ERBB4: variants seen among roughly 807,000 people sequenced by gnomAD.
ERBB4 encodes erb-b2 receptor tyrosine kinase 4.
A neutral mutation model predicts 158.0 loss-of-function variants in ERBB4; 42 were observed. The ratio of observed to expected loss-of-function variants is 0.27; its 90% CI spans 0.21 to 0.34. The LOEUF (loss-of-function observed/expected upper bound fraction) is 0.34. ERBB4 is among the 10% of genes least tolerant of loss of function. The pLI is 1.00. For missense variants in ERBB4, 1,333 were observed against 1,624.1 expected (o/e 0.82, Z 3.08); for synonymous variants, 583 against 558.7 (o/e 1.04, Z -0.61).
chr2:212,270,101 T>A (rs1483233858), intron 1 of ERBB4, among the ~76,000 whole-genome samples: 4 of 151,910 alleles, frequency 2.6e-5, no homozygotes, highest in East Asian at 3.9e-4. Context: ...GATGGTAAAT[T>A]AAACAGAATT....
At chr2:211,635,576 G>A (rs1478219207) in intron 16 of ERBB4, among the ~76,000 whole-genome samples, 1 of 151,942 alleles carries the variant, frequency 6.6e-6, no homozygotes, top group African/African-American at 2.4e-5. Flanking sequence ...TTCTCCCATT[G>A]ATCAGTTTCT....
intron 2 of ERBB4, among the ~76,000 whole-genome samples, chr2:212,067,981 C>T (rs538323252): frequency 3.1e-4 from 47 of 152,134 alleles, no homozygotes; most frequent in South Asian, 1.0e-3. Context: ...GATGCAAAAA[C>T]GAATGAACAG....
At chr2:211,630,843 T>A (rs544920949) in intron 16 of ERBB4, among the ~76,000 whole-genome samples, 1 of 152,210 alleles carries the variant, frequency 6.6e-6, no homozygotes, top group East Asian at 1.9e-4. Context: ...AGATGAACAG[T>A]CACAACATGC....
intron 20 of ERBB4, among the ~76,000 whole-genome samples, chr2:211,525,976 G>T (rs933867758): frequency 2.0e-5 from 3 of 152,110 alleles, no homozygotes; most frequent in African/African-American, 4.8e-5. Flanking sequence ...GTCCCTAGCT[G>T]CCAGATGGGG....
At chr2:212,035,507 C>T (rs925168649) in intron 2 of ERBB4, among the ~76,000 whole-genome samples, 1 of 152,150 alleles carries the variant, frequency 6.6e-6, no homozygotes, top group African/African-American at 2.4e-5. Flanking sequence ...TCTGATGTCC[C>T]TAGATGAGAT....
At chr2:211,787,413 T>C (rs1351915091) in intron 4 of ERBB4, among the ~76,000 whole-genome samples, 1 of 152,188 alleles carries the variant, frequency 6.6e-6, no homozygotes, top group Non-Finnish European at 1.5e-5. Context: ...AAATTCTTTG[T>C]GGTAGAAAGA....
rs767433274 is a variant in ERBB4, at chr2:212,230,913, C to G, written c.83-106010G>C. Among the ~76,000 whole-genome samples the G allele has an allele frequency of 5.0e-4, 76 of 152,142 alleles. 1 individual carries two copies. Among genetic ancestry groups the G allele is most frequent in the Non-Finnish European group, 8.1e-4 (55 of 68,012 alleles). On this transcript the variant is annotated intron_variant, in intron 1 of 27. Transcript: ENST00000342788. ...TATGGAACTTTTAAATTAGATTATA[C>G]ATAAGTTGATACCATTAAATAAACT...
At chr2:211,944,559 G>T (rs1021987719) in intron 3 of ERBB4, among the ~76,000 whole-genome samples, 1 of 151,944 alleles carries the variant, frequency 6.6e-6, no homozygotes, top group Non-Finnish European at 1.5e-5. Flanking sequence ...TGTCATGAAA[G>T]CAAAACCTTA....
chr2:211,710,865 G>A (rs2073671297), intron 9 of ERBB4, among the ~76,000 whole-genome samples: 2 of 151,888 alleles, frequency 1.3e-5, no homozygotes, highest in African/African-American at 2.4e-5. Flanking sequence ...GTGGGACTGT[G>A]AGTCCACCGA....
chr2:211,681,003 C>T (rs1368163337), intron 12 of ERBB4, among the ~76,000 whole-genome samples: 1 of 152,116 alleles, frequency 6.6e-6, no homozygotes, highest in East Asian at 1.9e-4. Flanking sequence ...TTATGTAATC[C>T]TTGCCTCCTG....
At chr2:212,158,479 A>C (rs1303864017) in intron 1 of ERBB4, among the ~76,000 whole-genome samples, 3 of 151,996 alleles carry the variant, frequency 2.0e-5, no homozygotes, top group African/African-American at 7.2e-5. Flanking sequence ...TCATCTACCC[A>C]AAAGTCCCTA....
chr2:212,446,430 T>C (rs1185829839), intron 1 of ERBB4, among the ~76,000 whole-genome samples: 1 of 150,464 alleles, frequency 6.6e-6, no homozygotes, highest in Non-Finnish European at 1.5e-5. Flanking sequence ...GCCTGCATCT[T>C]TCTCCTGAGT....
intron 20 of ERBB4, among the ~76,000 whole-genome samples, chr2:211,492,731 A>T (rs2065375731): frequency 1.3e-5 from 2 of 152,132 alleles, no homozygotes; most frequent in African/African-American, 4.8e-5. Flanking sequence ...ATCTTGAGTC[A>T]CAACAACTGA....
chr2:212,485,650 T>G (rs1037821141), intron 1 of ERBB4, among the ~76,000 whole-genome samples: 2 of 152,208 alleles, frequency 1.3e-5, no homozygotes, highest in African/African-American at 4.8e-5. Context: ...CAGCACATTA[T>G]CTTAGCCCAC....
At chr2:211,906,530 T>TAA (rs1432338431) in intron 3 of ERBB4, among the ~76,000 whole-genome samples, 15 of 147,862 alleles carry the variant, frequency 1.0e-4, no homozygotes, top group East Asian at 6.5e-4. Flanking sequence ...TAAATATTGA[T>TAA]ATCTATGATA....
At chr2:212,436,786 T>G (rs2092145565) in intron 1 of ERBB4, among the ~76,000 whole-genome samples, 1 of 152,076 alleles carries the variant, frequency 6.6e-6, no homozygotes, top group African/African-American at 2.4e-5. Context: ...TGGCCGAACC[T>G]TTCTCAAACC....
intron 1 of ERBB4, among the ~76,000 whole-genome samples, chr2:212,187,988 G>A (rs1038504482): frequency 6.6e-6 from 1 of 151,854 alleles, no homozygotes; most frequent in African/African-American, 2.4e-5. Flanking sequence ...AATATTATTT[G>A]GTGATATATC....
chr2:212,024,477 C>G (rs183181302), intron 2 of ERBB4, among the ~76,000 whole-genome samples: 1 of 151,640 alleles, frequency 6.6e-6, no homozygotes, highest in Non-Finnish European at 1.5e-5. Context: ...CGTGTTCACA[C>G]AGAAGTTCTA....
At chr2:212,254,887 T>C (rs1392694276) in intron 1 of ERBB4, among the ~76,000 whole-genome samples, 1 of 152,176 alleles carries the variant, frequency 6.6e-6, no homozygotes, top group African/African-American at 2.4e-5. Flanking sequence ...GTAAATACTT[T>C]GTTATAGTGT....
Sources: allele counts gnomAD v4.1 joint callset (sites outside exome capture counted in the v4.1 genomes callset), GRCh38; gene constraint gnomAD v4.1.1; transcripts MANE v1.5; gene names NCBI Gene and HGNC (gene_info 2026-07-23, HGNC 2026-07-21).